The following CCDC171 variants were observed in gnomAD, a reference collection of about 807,000 sequenced individuals.
CCDC171 encodes the protein coiled-coil domain-containing protein 171.
CCDC171 carries 177 observed loss-of-function variants against 168.2 expected under a neutral mutation model. The ratio of observed to expected loss-of-function variants is 1.05; its 90% CI spans 0.93 to 1.19. CCDC171 has a LOEUF of 1.19. Among genes scored for constraint, CCDC171 ranks in the 50% most tolerant of loss-of-function variants. The pLI, the probability that CCDC171 is intolerant of heterozygous loss-of-function variation, is 0.00. For missense variants in CCDC171, 1,991 were observed against 1,539.0 expected, an observed-to-expected ratio of 1.29 and a Z score of -4.91; for synonymous variants, 687 against 540.8, an observed-to-expected ratio of 1.27 and a Z score of -3.75.
the CCDC171 span, among the ~76,000 whole-genome samples, chr9:16,097,493 G>A: frequency 2.6e-5 from 4 of 152,352 alleles, no homozygotes; most frequent in South Asian, 8.3e-4. Flanking sequence ...AGGTGAGGAA[G>A]TGTGTTCAGT....
intron 23 of CCDC171, among the ~76,000 whole-genome samples, chr9:15,871,766 C>G (rs747399202): frequency 3.9e-5 from 6 of 151,906 alleles, no homozygotes; most frequent in East Asian, 1.9e-4. Context: ...CTTCTGCATT[C>G]TTTCTGAAGT....
the CCDC171 span, among the ~76,000 whole-genome samples, chr9:16,074,513 C>G: frequency 2.0e-5 from 3 of 152,184 alleles, no homozygotes; most frequent in East Asian, 5.8e-4. Context: ...GTGACCACCA[C>G]AGACACTGTT....
In CCDC171 at chr9:15,572,342, T is replaced by C. The variant is rs1338585879; in HGVS notation, c.177+583T>C. ...CTCCTTTTTTCTCTGATAAGTCTTA[T>C]TTATTCTTAAAACTCAGTTTAGGCC... On this transcript the variant is annotated intron_variant, in intron 3 of 25. Transcript: ENST00000380701. Among the ~76,000 whole-genome samples, 6 of 152,292 alleles carry C rather than the reference T, an allele frequency of 3.9e-5. 1 individual carries two copies. In the South Asian group the frequency reaches 1.0e-3, roughly 26 times the overall value.
intron 16 of CCDC171, among the ~76,000 whole-genome samples, chr9:15,742,781 G>C (rs926271216): frequency 6.6e-6 from 1 of 151,910 alleles, no homozygotes; most frequent in Non-Finnish European, 1.5e-5. Context: ...GAGTACATGT[G>C]ATTTAGTAAC....
intron 24 of CCDC171, among the ~76,000 whole-genome samples, chr9:15,904,618 G>A (rs187328644): frequency 6.0e-4 from 91 of 152,180 alleles, no homozygotes; most frequent in African/African-American, 2.0e-3. Flanking sequence ...ATCAACTAAC[G>A]AGCAAAATAA....
the CCDC171 span, among the ~76,000 whole-genome samples, chr9:16,092,002 T>C: frequency 9.2e-5 from 14 of 152,172 alleles, no homozygotes; most frequent in African/African-American, 2.7e-4. Context: ...TCCAATCAGT[T>C]CTTGGTCTGT....
At chr9:15,877,767 T>C (rs143078369) in intron 24 of CCDC171, among the ~76,000 whole-genome samples, 5 of 152,282 alleles carry the variant, frequency 3.3e-5, no homozygotes, top group Non-Finnish European at 5.9e-5. Flanking sequence ...AAGATTCTAC[T>C]TATACTTTAT....
upstream of CCDC171, among the ~76,000 whole-genome samples, chr9:16,039,780 C>T (rs1056104835): frequency 1.3e-5 from 2 of 152,242 alleles, no homozygotes; most frequent in Non-Finnish European, 2.9e-5. Flanking sequence ...AGTCACATGG[C>T]CCCCCTTGAG....
At chr9:15,927,578 T>C (rs866328020) in intron 25 of CCDC171, among the ~76,000 whole-genome samples, 1 of 151,762 alleles carries the variant, frequency 6.6e-6, no homozygotes. Flanking sequence ...AAATAATAAA[T>C]TACAATGCAG....
chr9:15,939,302 T>C (rs1827456689), intron 25 of CCDC171, among the ~76,000 whole-genome samples: 1 of 151,808 alleles, frequency 6.6e-6, no homozygotes, highest in Non-Finnish European at 1.5e-5. Flanking sequence ...TTCATATTTA[T>C]TTGCATACAG....
At chr9:15,902,386 T>C (rs1387614141) in intron 24 of CCDC171, among the ~76,000 whole-genome samples, 1 of 152,152 alleles carries the variant, frequency 6.6e-6, no homozygotes, top group Non-Finnish European at 1.5e-5. Flanking sequence ...AAAAGGTTTT[T>C]GTTAAAGAAT....
chr9:15,817,318 A>G (rs1244110987), intron 21 of CCDC171, among the ~76,000 whole-genome samples: 1 of 117,646 alleles, frequency 8.5e-6, no homozygotes, highest in Non-Finnish European at 1.9e-5. Context: ...TAACGGGTTC[A>G]TCTCACTGGG....
intron 25 of CCDC171, among the ~76,000 whole-genome samples, chr9:15,954,708 G>A (rs1589238074): frequency 6.6e-6 from 1 of 151,084 alleles, no homozygotes; most frequent in Admixed American, 6.6e-5. Context: ...TTGAATCACT[G>A]TAGTGAATTT....
chr9:16,001,619 G>A (rs1169781829), intron 3 of CCDC171, among the ~76,000 whole-genome samples: 1 of 152,020 alleles, frequency 6.6e-6, no homozygotes, highest in Non-Finnish European at 1.5e-5. Context: ...GGTCCCAATG[G>A]TGGTCCCATA....
chr9:15,852,332 A>G (rs1285175645), intron 23 of CCDC171, among the ~76,000 whole-genome samples: 5 of 151,768 alleles, frequency 3.3e-5, no homozygotes, highest in African/African-American at 1.2e-4. Flanking sequence ...AATGACTAAC[A>G]ATGTTGAACA....
intron 25 of CCDC171, among the ~76,000 whole-genome samples, chr9:15,950,484 A>C (rs909445267): frequency 6.6e-6 from 1 of 152,170 alleles, no homozygotes; most frequent in African/African-American, 2.4e-5. Context: ...TTCTGAAAGA[A>C]AAGAATTTTC....
intron 9 of CCDC171, 98 bp from the exon 10 acceptor site, chr9:15,678,660 C>A: frequency 1.1e-6 from 1 of 938,544 alleles, no homozygotes; most frequent in Non-Finnish European, 1.5e-6. Context: ...AGCATGAACA[C>A]ATGATATGTA....
At chr9:15,901,693 G>A (rs184952734) in intron 24 of CCDC171, among the ~76,000 whole-genome samples, 1 of 152,210 alleles carries the variant, frequency 6.6e-6, no homozygotes, top group African/African-American at 2.4e-5. Context: ...TGGCACTGAT[G>A]TCTTCACTTG....
the CCDC171 span, among the ~76,000 whole-genome samples, chr9:16,079,131 T>G: frequency 6.6e-6 from 1 of 152,228 alleles, no homozygotes; most frequent in Non-Finnish European, 1.5e-5. Flanking sequence ...AGTCCTGATT[T>G]GACCAATCAT....
Sources: gnomAD v4.1 joint callset for allele counts (sites outside exome capture counted in the v4.1 genomes callset) on GRCh38, gnomAD v4.1.1 for gene constraint, MANE v1.5 for transcripts, NCBI Gene and HGNC (gene_info 2026-07-23, HGNC 2026-07-21) for gene names.